SAMD5: variants seen among roughly 807,000 people sequenced by gnomAD.
The protein encoded by SAMD5 is sterile alpha motif domain containing 5.
SAMD5 carries 13 observed loss-of-function variants against 11.3 expected under a neutral mutation model. The ratio of observed to expected loss-of-function variants is 1.15; its 90% CI spans 0.75 to 1.83. SAMD5 has a LOEUF of 1.83. Ranked by LOEUF, SAMD5 falls within the 40% of genes most tolerant of loss-of-function variation. SAMD5 has a pLI of 0.00. For missense variants in SAMD5, 255 were observed against 239.1 expected, an observed-to-expected ratio of 1.07 and a Z score of -0.44; for synonymous variants, 129 against 111.3, an observed-to-expected ratio of 1.16 and a Z score of -1.00.
chr6:147,632,638 A>C (rs1294147386), intron 1 of SAMD5, among the ~76,000 whole-genome samples: 1 of 152,222 alleles, frequency 6.6e-6, no homozygotes, highest in Non-Finnish European at 1.5e-5. Flanking sequence ...TAAAAAGGCC[A>C]CAGGGCGTGG....
rs575852108 is a variant in SAMD5 at position 147,509,400 on chromosome 6, C to T, written c.459+13C>T. ...GTACTCCCGCAAGGTAAGGAGGTGCCGTCCGGGCGGCCCGGGGCGCGCGGC... is the reference window on the plus strand; with the variant it reads ...GTACTCCCGCAAGGTAAGGAGGTGCTGTCCGGGCGGCCCGGGGCGCGCGGC... On this transcript the variant is annotated intron_variant, in intron 1 of 1. Coordinates refer to ENST00000367474, the MANE Select transcript of SAMD5 (RefSeq NM_001030060.3). The T allele has an allele frequency of 3.7e-5, 56 of 1,510,902 alleles. No homozygotes were observed. The South Asian group carries it at 6.1e-4, about 16-fold the overall frequency. The allele number at this position is 1,510,902 out of a possible 1,614,324, so 93.6% of individuals were successfully genotyped here.
At chr6:147,878,977 TATTC>T in the SAMD5 span, among the ~76,000 whole-genome samples, 3 of 152,356 alleles carry the variant, frequency 2.0e-5, no homozygotes, top group Non-Finnish European at 4.4e-5. Flanking sequence ...ATTGATGTGA[TATTC>T]CATTGAGCAT....
chr6:147,519,991 A>C (rs1279780614), intron 1 of SAMD5, among the ~76,000 whole-genome samples: 1 of 152,186 alleles, frequency 6.6e-6, no homozygotes, highest in African/African-American at 2.4e-5. Flanking sequence ...TTGAAACGTG[A>C]TCACTTTAAG....
the SAMD5 span, among the ~76,000 whole-genome samples, chr6:147,824,189 C>T: frequency 6.6e-6 from 1 of 152,202 alleles, no homozygotes; most frequent in African/African-American, 2.4e-5. Context: ...CTTTAAGCTG[C>T]AGCTGACATA....
chr6:147,517,211 C>A (rs1190800604), intron 1 of SAMD5, among the ~76,000 whole-genome samples: 1 of 152,124 alleles, frequency 6.6e-6, no homozygotes, highest in Non-Finnish European at 1.5e-5. Flanking sequence ...CAATCAAGGC[C>A]CCTGCTGGCT....
the SAMD5 span, among the ~76,000 whole-genome samples, chr6:147,766,997 C>A: frequency 6.6e-6 from 1 of 152,032 alleles, no homozygotes; most frequent in African/African-American, 2.4e-5. Context: ...ACAAAATATA[C>A]ATGAGAAAGG....
chr6:147,945,003 C>A, the SAMD5 span, among the ~76,000 whole-genome samples: 1 of 152,348 alleles, frequency 6.6e-6, no homozygotes, highest in Admixed American at 6.5e-5. Context: ...TAGTCCCCAT[C>A]ATTGCCTGCC....
intron 1 of SAMD5, among the ~76,000 whole-genome samples, chr6:147,713,863 C>T (rs1379019013): frequency 1.3e-5 from 2 of 152,128 alleles, no homozygotes; most frequent in African/African-American, 2.4e-5. Flanking sequence ...CCTTTCATCT[C>T]CTTCCTCTTC....
At chr6:147,946,627 G>T in the SAMD5 span, among the ~76,000 whole-genome samples, 17 of 152,238 alleles carry the variant, frequency 1.1e-4, no homozygotes, top group African/African-American at 4.1e-4. Flanking sequence ...TAATTATTTA[G>T]GTACTGGAGA....
chr6:147,629,139 AAAAC>A (rs200813092), intron 1 of SAMD5, among the ~76,000 whole-genome samples: 4,341 of 152,062 alleles, frequency 0.029, 189 homozygotes, highest in African/African-American at 0.098. Flanking sequence ...AAAAATACAG[AAAAC>A]AAACAAACAA....
the SAMD5 span, among the ~76,000 whole-genome samples, chr6:147,912,220 G>A: frequency 6.6e-6 from 1 of 152,126 alleles, no homozygotes; most frequent in Non-Finnish European, 1.5e-5. Flanking sequence ...ACTTCTTAGT[G>A]GGAAAAACTG....
the SAMD5 span, among the ~76,000 whole-genome samples, chr6:147,859,272 T>C: frequency 3.3e-5 from 5 of 152,176 alleles, no homozygotes; most frequent in Non-Finnish European, 7.3e-5. Context: ...TTGTCCTGGT[T>C]AGGGCTGAAT....
intron 1 of SAMD5, among the ~76,000 whole-genome samples, chr6:147,652,573 G>A (rs1437734376): frequency 2.0e-5 from 3 of 152,136 alleles, no homozygotes; most frequent in African/African-American, 7.2e-5. Context: ...CAGTAGTAGG[G>A]GAGGCAGGAG....
At chr6:147,727,761 C>T (rs147565177) in intron 1 of SAMD5, among the ~76,000 whole-genome samples, 40 of 151,780 alleles carry the variant, frequency 2.6e-4, no homozygotes, top group Non-Finnish European at 2.9e-4. Flanking sequence ...CAGCTAATGG[C>T]GGGAGTCATG....
intron 1 of SAMD5, among the ~76,000 whole-genome samples, chr6:147,605,151 C>T (rs1466810410): frequency 3.3e-5 from 5 of 152,130 alleles, no homozygotes; most frequent in Admixed American, 2.6e-4. Context: ...CAAGGACTGG[C>T]TCTGTTTTCC....
chr6:147,642,728 A>T (rs1295445454), intron 1 of SAMD5, among the ~76,000 whole-genome samples: 2 of 152,192 alleles, frequency 1.3e-5, no homozygotes, highest in African/African-American at 4.8e-5. Flanking sequence ...TAGCTATGCA[A>T]TCCCAGTCTT....
rs141330017 is a variant in SAMD5, at chr6:147,710,928, C to G, written c.163-26389C>G. On this transcript the variant is annotated intron_variant, in intron 1 of 1. Transcript: ENST00000566741. ...TGCCTGTTATATATACACTACCTAGCTAGTGTCAAATTATAAAAGAATATG... is the reference window on the plus strand; with the variant it reads ...TGCCTGTTATATATACACTACCTAGGTAGTGTCAAATTATAAAAGAATATG... 2.8e-4 allele frequency among the ~76,000 whole-genome samples: 41 copies of G among 147,628 alleles called. No homozygotes were observed. In the East Asian group the frequency reaches 7.8e-3, roughly 28 times the overall value.
intron 1 of SAMD5, among the ~76,000 whole-genome samples, chr6:147,664,708 G>A (rs1053875540): frequency 6.6e-6 from 1 of 152,044 alleles, no homozygotes; most frequent in African/African-American, 2.4e-5. Context: ...TTGGATATTT[G>A]CAGAATTTGT....
Position 147,556,752 on chromosome 6 carries a change from CTCAT to C in SAMD5, c.460-7639_460-7636del, listed in dbSNP as rs142903435. On this transcript the variant is annotated intron_variant, in intron 1 of 1. Transcript: ENST00000367474. ...ATATGCTTACATCACATATTAAACT[CTCAT>C]TCTTCAATAACTGATATAAAAACAA... is the stretch of plus-strand genomic sequence containing the variant. Among the ~76,000 whole-genome samples the C allele has an allele frequency of 7.1e-3, 1,086 of 152,298 alleles. 11 individuals are homozygous for C. Among genetic ancestry groups the C allele is most frequent in the African/African-American group, 0.024 (1,016 of 41,554 alleles).
Sources: gnomAD v4.1 joint callset for allele counts (sites outside exome capture counted in the v4.1 genomes callset) on GRCh38, gnomAD v4.1.1 for gene constraint, MANE v1.5 for transcripts, NCBI Gene and HGNC (gene_info 2026-07-23, HGNC 2026-07-21) for gene names.